Variants in MOB3B observed in about 807,000 individuals in gnomAD.
MOB3B encodes MOB kinase activator 3B.
In MOB3B, 7 loss-of-function variants were observed where a neutral mutation model predicts 18.7. The ratio of observed to expected loss-of-function variants is 0.37; its 90% CI spans 0.21 to 0.70. The LOEUF is 0.70. Ranked by LOEUF, MOB3B falls within the 30% of genes least tolerant of loss-of-function variation. The pLI, the probability that MOB3B is intolerant of heterozygous loss-of-function variation, is 0.52. For synonymous variants in MOB3B, 111 were observed against 99.9 expected, an observed-to-expected ratio of 1.11 and a Z score of -0.66; for missense variants, 253 against 281.3, an observed-to-expected ratio of 0.90 and a Z score of 0.72.
chr9:27,439,390 A>T (rs917338852), intron 2 of MOB3B, among the ~76,000 whole-genome samples: 7 of 152,178 alleles, frequency 4.6e-5, no homozygotes, highest in African/African-American at 1.7e-4. Flanking sequence ...TTTAAAAGAC[A>T]TACCATACAT....
At chr9:27,359,390 G>T (rs932634632) in intron 2 of MOB3B, among the ~76,000 whole-genome samples, 154 bp from the exon 3 acceptor site, 1 of 147,864 alleles carries the variant, frequency 6.8e-6, no homozygotes, top group African/African-American at 2.4e-5. Flanking sequence ...GGGGGGGGGG[G>T]TTGGTAGCAA....
chr9:27,447,679 A>T (rs62541584), intron 2 of MOB3B, among the ~76,000 whole-genome samples: 21,064 of 152,158 alleles, frequency 0.14, 1,810 homozygotes, highest in Middle Eastern at 0.22. Flanking sequence ...GGAGGCCCTA[A>T]ACAGAGGTAT....
chr9:27,345,851 G>C (rs918663066), intron 3 of MOB3B, among the ~76,000 whole-genome samples: 3 of 152,216 alleles, frequency 2.0e-5, no homozygotes, highest in African/African-American at 7.2e-5. Flanking sequence ...AACTGGGCTC[G>C]TGGAGCTGGA....
chr9:27,499,763 T>A (rs1013735730), intron 1 of MOB3B, among the ~76,000 whole-genome samples: 4 of 152,186 alleles, frequency 2.6e-5, no homozygotes, highest in African/African-American at 9.6e-5. Context: ...TTTTTTTTTC[T>A]GCACTAGTAC....
In MOB3B at chr9:27,383,855, A is replaced by C. The variant is rs139055296; in HGVS notation, c.419-24619T>G. Among the ~76,000 whole-genome samples the C allele has an allele frequency of 2.0e-3, 309 of 152,284 alleles. 3 individuals are homozygous for C. The highest frequency in any genetic ancestry group is 7.2e-3 in the African/African-American group (299 of 41,556). ...CCTTACCTATGTTGGCATGAGATTA[A>C]ATTTATTGTATTGTCTAGCATTTCC... On this transcript the variant is annotated intron_variant, in intron 2 of 3. Coordinates refer to ENST00000262244, the MANE Select transcript of MOB3B (RefSeq NM_024761.5).
chr9:27,417,379 C>T (rs1407813119), intron 2 of MOB3B, among the ~76,000 whole-genome samples: 1 of 106,086 alleles, frequency 9.4e-6, no homozygotes, highest in African/African-American at 2.9e-5. Flanking sequence ...CAAAAGGAAA[C>T]AAAACAAACA....
intron 2 of MOB3B, among the ~76,000 whole-genome samples, chr9:27,445,768 C>T (rs763241217): frequency 6.6e-6 from 1 of 152,038 alleles, no homozygotes; most frequent in African/African-American, 2.4e-5. Flanking sequence ...CACTGAGGCC[C>T]CACTGTGCTG....
intron 2 of MOB3B, among the ~76,000 whole-genome samples, chr9:27,372,809 C>T (rs1457910568): frequency 2.6e-5 from 4 of 152,106 alleles, no homozygotes; most frequent in Admixed American, 2.6e-4. Context: ...TGGATGGAAT[C>T]CAGGAACAGA....
chr9:27,438,235 A>C (rs190245113), intron 2 of MOB3B, among the ~76,000 whole-genome samples: 1 of 152,340 alleles, frequency 6.6e-6, no homozygotes, highest in Non-Finnish European at 1.5e-5. Flanking sequence ...CCTTAGAGAA[A>C]GCTCTAACAG....
intron 2 of MOB3B, among the ~76,000 whole-genome samples, chr9:27,368,495 T>A (rs1460405837): frequency 6.6e-6 from 1 of 152,082 alleles, no homozygotes; most frequent in African/African-American, 2.4e-5. Flanking sequence ...CTCAGTACGT[T>A]CCTCAAGAAA....
intron 2 of MOB3B, among the ~76,000 whole-genome samples, chr9:27,380,261 GATT>G (rs1290005227): frequency 7.8e-6 from 1 of 128,826 alleles, no homozygotes; most frequent in East Asian, 2.2e-4. Flanking sequence ...AAAGAGATAG[GATT>G]TTTTTTTTTT....
intron 1 of MOB3B, among the ~76,000 whole-genome samples, chr9:27,478,258 T>C (rs1316925441): frequency 6.6e-6 from 1 of 152,182 alleles, no homozygotes; most frequent in African/African-American, 2.4e-5. Context: ...GAATAAACAA[T>C]TCCTGCTGAA....
chr9:27,473,638 A>T (rs925282122), intron 1 of MOB3B, among the ~76,000 whole-genome samples: 3 of 152,122 alleles, frequency 2.0e-5, no homozygotes, highest in Non-Finnish European at 4.4e-5. Flanking sequence ...GGTCAGCCCC[A>T]AACAGGGGAT....
chr9:27,352,376 A>G (rs1396190909), intron 3 of MOB3B, among the ~76,000 whole-genome samples: 1 of 151,644 alleles, frequency 6.6e-6, no homozygotes, highest in Non-Finnish European at 1.5e-5. Context: ...TGTCTCAAAA[A>G]AAAAAAAAAA....
At chr9:27,522,846 C>T (rs1820359868) in intron 1 of MOB3B, among the ~76,000 whole-genome samples, 1 of 151,778 alleles carries the variant, frequency 6.6e-6, no homozygotes, top group Admixed American at 6.6e-5. Context: ...TAATGTTTTC[C>T]AAATTTGGTC....
chr9:27,447,082 C>A (rs1271021275), intron 2 of MOB3B, among the ~76,000 whole-genome samples: 1 of 152,038 alleles, frequency 6.6e-6, no homozygotes, highest in Non-Finnish European at 1.5e-5. Flanking sequence ...CTTATGCCTA[C>A]AAAGGTTCGT....
At chr9:27,476,133 G>C (rs1351278726) in intron 1 of MOB3B, among the ~76,000 whole-genome samples, 1 of 152,084 alleles carries the variant, frequency 6.6e-6, no homozygotes, top group Non-Finnish European at 1.5e-5. Flanking sequence ...ATCCACAGTG[G>C]CCTCCCTGAT....
At chr9:27,335,060 C>T (rs1362564228) in intron 3 of MOB3B, among the ~76,000 whole-genome samples, 1 of 152,200 alleles carries the variant, frequency 6.6e-6, no homozygotes, top group East Asian at 1.9e-4. Context: ...CTGCCTTGGC[C>T]TCCCAAATTG....
chr9:27,417,290 G>T (rs959149021), intron 2 of MOB3B, among the ~76,000 whole-genome samples: 1 of 152,228 alleles, frequency 6.6e-6, no homozygotes, highest in Admixed American at 6.5e-5. Flanking sequence ...TGTGAACCTG[G>T]GAGGCGGAGC....
Sources: allele counts gnomAD v4.1 joint callset (sites outside exome capture counted in the v4.1 genomes callset), GRCh38; gene constraint gnomAD v4.1.1; transcripts MANE v1.5; gene names NCBI Gene and HGNC (gene_info 2026-07-23, HGNC 2026-07-21).